The following GREB1L variants were observed in gnomAD, a reference collection of about 807,000 sequenced individuals.
GREB1L encodes the protein GREB1 like retinoic acid receptor coactivator, also known as GREB1-like protein.
GREB1L carries 17 observed loss-of-function variants against 200.8 expected under a neutral mutation model. The observed-to-expected ratio is 0.08, with a 90% CI of 0.06 to 0.13. GREB1L has a LOEUF of 0.13. Among genes scored for constraint, GREB1L ranks in the 10% least tolerant of loss-of-function variants. The probability of loss-of-function intolerance (pLI) is 1.00; values close to 1 mark genes in which losing one functional copy is unlikely to be tolerated. For synonymous variants in GREB1L, 789 were observed against 893.0 expected (o/e 0.88, Z 2.08); for missense variants, 1,657 against 2,367.7 (o/e 0.70, Z 6.23).
intron 7 of GREB1L, among the ~76,000 whole-genome samples, chr18:21,414,199 A>C (rs2031385403): frequency 6.6e-6 from 1 of 152,216 alleles, no homozygotes; most frequent in African/African-American, 2.4e-5. Flanking sequence ...CACATGATGA[A>C]GATGCTAAAA....
intron 7 of GREB1L, among the ~76,000 whole-genome samples, chr18:21,416,216 G>A (rs75103656): frequency 0.16 from 23,931 of 151,968 alleles, 2,252 homozygotes; most frequent in East Asian, 0.34. Flanking sequence ...AAAGAATAAT[G>A]AAAGCACAGT....
intron 3 of GREB1L, 82 bp downstream of exon 3, chr18:21,383,757 G>T: frequency 7.3e-7 from 1 of 1,367,964 alleles, no homozygotes; most frequent in Non-Finnish European, 1.0e-6. Context: ...CTGTTGCCCA[G>T]GCTGGAGTGC....
intron 7 of GREB1L, among the ~76,000 whole-genome samples, chr18:21,432,127 G>T (rs1460756468): frequency 6.6e-6 from 1 of 151,742 alleles, no homozygotes; most frequent in Non-Finnish European, 1.5e-5. Flanking sequence ...GTTTCACTAT[G>T]TTAGCCAAGG....
intron 1 of GREB1L, among the ~76,000 whole-genome samples, chr18:21,318,079 G>A (rs1367802096): frequency 7.3e-6 from 1 of 136,524 alleles, no homozygotes; most frequent in Non-Finnish European, 1.5e-5. Flanking sequence ...CTGCACTCCA[G>A]CCTGGGCAAC....
intron 14 of GREB1L, among the ~76,000 whole-genome samples, chr18:21,452,687 T>C (rs1425436143): frequency 2.0e-5 from 3 of 152,192 alleles, no homozygotes; most frequent in Non-Finnish European, 4.4e-5. Flanking sequence ...ACATGTCATC[T>C]GCCCTACAAC....
intron 17 of GREB1L, among the ~76,000 whole-genome samples, chr18:21,482,024 T>G (rs1356623701): frequency 6.6e-6 from 1 of 152,176 alleles, no homozygotes; most frequent in Non-Finnish European, 1.5e-5. Flanking sequence ...TGAGAGGCAG[T>G]TCATTCAATC....
chr18:21,402,567 C>T (rs2041364884), intron 6 of GREB1L, among the ~76,000 whole-genome samples: 1 of 150,176 alleles, frequency 6.7e-6, no homozygotes, highest in Admixed American at 6.7e-5. Flanking sequence ...CGCTCTCACT[C>T]TGTTGCCCAG....
intron 15 of GREB1L, chr18:21,468,604 CTTAAAG>C (rs2035358284): frequency 2.4e-6 from 1 of 408,438 alleles, no homozygotes; most frequent in Admixed American, 2.8e-5. Flanking sequence ...CTCAGTTTCT[CTTAAAG>C]TTAACAACTT....
chr18:21,356,080 G>A (rs1183947920), intron 1 of GREB1L, among the ~76,000 whole-genome samples: 2 of 143,030 alleles, frequency 1.4e-5, no homozygotes, highest in Non-Finnish European at 3.0e-5. Context: ...TCCACCTCCC[G>A]GGTTCACGCC....
intron 1 of GREB1L, among the ~76,000 whole-genome samples, chr18:21,252,434 G>C (rs561076198): frequency 6.6e-6 from 1 of 151,786 alleles, no homozygotes; most frequent in African/African-American, 2.4e-5. Flanking sequence ...GCGCATGCCT[G>C]TAATCCCAGC....
intron 7 of GREB1L, among the ~76,000 whole-genome samples, chr18:21,430,653 A>G (rs1475732048): frequency 1.5e-5 from 2 of 136,928 alleles, no homozygotes; most frequent in Non-Finnish European, 1.5e-5. Context: ...CTGGAGTGCA[A>G]TGGTGCAATC....
chr18:21,433,173 T>C (rs1029082665), intron 7 of GREB1L, among the ~76,000 whole-genome samples: 3 of 152,222 alleles, frequency 2.0e-5, no homozygotes, highest in African/African-American at 7.2e-5. Context: ...TATTATGACG[T>C]TTTCTTCATG....
At chr18:21,438,322 A>G (rs929015185) in intron 7 of GREB1L, among the ~76,000 whole-genome samples, 5 of 152,176 alleles carry the variant, frequency 3.3e-5, no homozygotes, top group East Asian at 3.8e-4. Context: ...AATTTTAAGT[A>G]TAGCAATGAT....
intron 1 of GREB1L, among the ~76,000 whole-genome samples, chr18:21,355,332 T>C (rs1227861396): frequency 6.6e-6 from 1 of 152,068 alleles, no homozygotes; most frequent in East Asian, 1.9e-4. Flanking sequence ...TAGCTGGGAC[T>C]ACAGGCACAC....
chr18:21,503,373 AT>A (rs894428399), intron 23 of GREB1L, among the ~76,000 whole-genome samples: 13 of 150,836 alleles, frequency 8.6e-5, no homozygotes, highest in African/African-American at 3.2e-4. Flanking sequence ...TGCCCAGCTA[AT>A]TTTTGTATTT....
At position 21,376,284 on chromosome 18, in the gene GREB1L, A is replaced by G. The variant is rs529439544; in HGVS notation, c.-9-7226A>G. Reference sequence around the variant, plus strand: ...CAGGCGCCTGCCACCATGCCTGGCTATTTTTTGTGTTTTTAGTAGAGACGG... The same window carrying G: ...CAGGCGCCTGCCACCATGCCTGGCTGTTTTTTGTGTTTTTAGTAGAGACGG... On this transcript the variant is annotated intron_variant, in intron 2 of 32. Coordinates refer to ENST00000424526, the MANE Select transcript of GREB1L (RefSeq NM_001142966.3). Among the ~76,000 whole-genome samples, 261 of 151,508 alleles carry G rather than the reference A, an allele frequency of 1.7e-3. 3 individuals carry two copies. The highest frequency in any genetic ancestry group is 5.3e-3 in the African/African-American group (219 of 41,308).
intron 2 of GREB1L, among the ~76,000 whole-genome samples, chr18:21,371,058 T>A (rs1053511373): frequency 5.9e-5 from 9 of 151,912 alleles, no homozygotes; most frequent in Admixed American, 5.2e-4. Flanking sequence ...TGCACTCCAA[T>A]CTGGTCAACA....
At chr18:21,476,558 G>A (rs1231130888) in intron 16 of GREB1L, among the ~76,000 whole-genome samples, 4 of 151,706 alleles carry the variant, frequency 2.6e-5, no homozygotes, top group Middle Eastern at 3.4e-3. Context: ...TTAATTTTTT[G>A]TTGTTGTTGT....
At position 21,485,604 on chromosome 18, in the gene GREB1L, C is replaced by T. The variant is rs770682028; in HGVS notation, c.2557-16C>T. ...ATCCTGTCCTCATTGGGTTTTTGCT[C>T]TGTATTTTGAACCAGGAGGACGTGG... On this transcript the variant is annotated splice_polypyrimidine_tract_variant and intron_variant, in intron 17 of 32. Transcript: ENST00000424526. 9.0e-6 allele frequency: 14 copies of T among 1,548,378 alleles called. 1 individual carries two copies. The South Asian group carries it at 1.6e-4, about 17-fold the overall frequency.
Sources: allele counts gnomAD v4.1 joint callset (sites outside exome capture counted in the v4.1 genomes callset), GRCh38; gene constraint gnomAD v4.1.1; transcripts MANE v1.5; gene names NCBI Gene and HGNC (gene_info 2026-07-23, HGNC 2026-07-21).